The following EHMT1 variants were observed in gnomAD, a reference collection of about 807,000 sequenced individuals.
The protein encoded by EHMT1 is euchromatic histone lysine methyltransferase 1.
EHMT1 carries 15 observed loss-of-function variants against 147.2 expected under a neutral mutation model. The observed-to-expected ratio is 0.10, with a 90% CI of 0.07 to 0.16. EHMT1 has a LOEUF of 0.16. Among genes scored for constraint, EHMT1 ranks in the 10% least tolerant of loss-of-function variants. The pLI, the probability that EHMT1 is intolerant of heterozygous loss-of-function variation, is 1.00. For missense variants in EHMT1, 1,587 were observed against 1,772.4 expected (o/e 0.90, Z 1.88); for synonymous variants, 795 against 709.6 (o/e 1.12, Z -1.91).
At chr9:137,796,400 A>G (rs959240513) in intron 16 of EHMT1, among the ~76,000 whole-genome samples, 1 of 152,230 alleles carries the variant, frequency 6.6e-6, no homozygotes, top group Non-Finnish European at 1.5e-5. Flanking sequence ...TTAATATCCA[A>G]AAATATAAAG....
intron 1 of EHMT1, among the ~76,000 whole-genome samples, chr9:137,669,923 T>C (rs1564564184): frequency 6.6e-6 from 1 of 152,052 alleles, no homozygotes; most frequent in Non-Finnish European, 1.5e-5. Flanking sequence ...TAATCTCGGC[T>C]CTCTGCAACC....
At chr9:137,669,327 A>G (rs1346843770) in intron 1 of EHMT1, among the ~76,000 whole-genome samples, 1 of 88,404 alleles carries the variant, frequency 1.1e-5, no homozygotes, top group African/African-American at 5.1e-5. Context: ...AGACGCCCCC[A>G]CAGCACGTGG....
intron 1 of EHMT1, among the ~76,000 whole-genome samples, chr9:137,658,621 C>CT (rs1286258092): frequency 6.7e-5 from 10 of 149,354 alleles, no homozygotes; most frequent in South Asian, 4.3e-4. Flanking sequence ...ATGAATTTTT[C>CT]TTTTTTTTTG....
chr9:137,828,485 G>C lies in EHMT1; in HGVS notation c.3541-5864G>C, dbSNP rs911275333. Among the ~76,000 whole-genome samples, 2 of 151,860 alleles carry C rather than the reference G, an allele frequency of 1.3e-5. No homozygotes were observed. The highest frequency in any genetic ancestry group is 2.4e-5 in the African/African-American group (1 of 41,312). On this transcript the variant is annotated intron_variant, in intron 25 of 26. Coordinates refer to ENST00000460843, the MANE Select transcript of EHMT1 (RefSeq NM_024757.5). This position sits in a 1 kb window ranked among gnomAD's most constrained non-coding sequence, Gnocchi z 5.3. ...GAGGCCAAGCAGAGCACAGGGTCTC[G>C]AGACCCCATGACCTCTAGGGTCACG...
rs548698239 is a variant in EHMT1 at position 137,773,692 on chromosome 9, A to T, written c.1648-1417A>T. Among the ~76,000 whole-genome samples, 15 of 152,338 alleles carry T rather than the reference A, an allele frequency of 9.8e-5. No individual in the cohort carries two copies. The South Asian group carries it at 3.1e-3, about 32-fold the overall frequency. The stretch of plus-strand genomic sequence containing the variant: ...GTTGCTTGCTGTGAAGTTTGGACAG[A>T]ACTCACAGTGATGGTGTGTCATCTC... On this transcript the variant is annotated intron_variant, in intron 10 of 26. Coordinates refer to ENST00000460843, the MANE Select transcript of EHMT1 (RefSeq NM_024757.5).
At chr9:137,697,043 G>GCACC in intron 1 of EHMT1, 1 of 314,744 alleles carries the variant, frequency 3.2e-6, no homozygotes, top group East Asian at 1.3e-4. Flanking sequence ...CACTCTGGGA[G>GCACC]GCTGAGGCGG....
intron 1 of EHMT1, among the ~76,000 whole-genome samples, chr9:137,634,097 GC>G (rs1234968038): frequency 6.6e-6 from 1 of 152,206 alleles, no homozygotes; most frequent in African/African-American, 2.4e-5. Flanking sequence ...ATAGGCATGA[GC>G]CACTGTGCCC....
At chr9:137,747,895 G>T (rs1948680406) in intron 6 of EHMT1, 1 of 152,200 alleles carries the variant, frequency 6.6e-6, no homozygotes, top group African/African-American at 2.4e-5. Context: ...GGATGGTCGT[G>T]TTTGAAGTGC....
chr9:137,754,041 A>T, intron 7 of EHMT1, 130 bp from the exon 8 acceptor site: 1 of 1,479,678 alleles, frequency 6.8e-7, no homozygotes, highest in East Asian at 2.3e-5. Context: ...TCTACAAGTT[A>T]AGTTCACCGT....
At chr9:137,765,845 C>G (rs923486716) in intron 10 of EHMT1, among the ~76,000 whole-genome samples, 4 of 152,082 alleles carry the variant, frequency 2.6e-5, no homozygotes, top group Non-Finnish European at 5.9e-5. Context: ...TGTTCTCGGT[C>G]CCTTCTTTTT....
chr9:137,731,611 C>T lies in EHMT1; in HGVS notation c.823+3082C>T, dbSNP rs769358087. Among the ~76,000 whole-genome samples the T allele has an allele frequency of 6.6e-6, 1 of 152,164 alleles. No homozygotes were observed. Among genetic ancestry groups the T allele is most frequent in the Non-Finnish European group, 1.5e-5 (1 of 68,022 alleles). Reference sequence around the variant, plus strand: ...ACGTCCTATCCTGTTGTCACAGGATCCCTTGAGTGTCCCTTTGCTGGTCAT... The same window carrying T: ...ACGTCCTATCCTGTTGTCACAGGATTCCTTGAGTGTCCCTTTGCTGGTCAT... On this transcript the variant is annotated intron_variant, in intron 4 of 26. Transcript: ENST00000460843. This position sits in a 1 kb window ranked among gnomAD's most constrained non-coding sequence, Gnocchi z 4.3.
In EHMT1 at chr9:137,786,943, T is replaced by G. The variant is rs1020704298; in HGVS notation, c.2383-3905T>G. ...CACGGAGCCTCCTGGGTGTCCGAGC[T>G]GCCTCAAGCGCCCCGGGGTCTTTTC... On this transcript the variant is annotated intron_variant, in intron 15 of 26. Coordinates refer to ENST00000460843, the MANE Select transcript of EHMT1 (RefSeq NM_024757.5). This position sits in a 1 kb window ranked among gnomAD's most constrained non-coding sequence, Gnocchi z 4.3. 3 of 152,420 alleles carry G rather than the reference T, an allele frequency of 2.0e-5. No individual in the cohort carries two copies. The highest frequency in any genetic ancestry group is 6.5e-5 in the Admixed American group (1 of 15,284). The allele number at this position is 152,420 out of a possible 1,614,324, so 9.4% of individuals were successfully genotyped here.
intron 1 of EHMT1, among the ~76,000 whole-genome samples, chr9:137,633,370 G>A (rs2133657727): frequency 6.6e-6 from 1 of 151,236 alleles, no homozygotes; most frequent in Non-Finnish European, 1.5e-5. Context: ...AGAATTTTTG[G>A]GGGGATAACA....
chr9:137,717,758 G>A (rs1053082935), intron 3 of EHMT1, among the ~76,000 whole-genome samples: 3 of 152,178 alleles, frequency 2.0e-5, no homozygotes, highest in Non-Finnish European at 4.4e-5. Flanking sequence ...ATCCTTTCAA[G>A]GAGGCCACGG....
At chr9:137,655,485 G>C (rs1270743292) in intron 1 of EHMT1, among the ~76,000 whole-genome samples, 1 of 152,204 alleles carries the variant, frequency 6.6e-6, no homozygotes, top group African/African-American at 2.4e-5. Context: ...GCATATATTA[G>C]GTGTCACTCA....
intron 9 of EHMT1, 105 bp from the exon 10 acceptor site, chr9:137,762,570 A>G (rs1355620145): frequency 2.1e-5 from 33 of 1,577,630 alleles, no homozygotes; most frequent in Admixed American, 5.3e-5. Flanking sequence ...CATTGCTTTC[A>G]TTTCCTGGCG....
chr9:137,651,836 A>G (rs905485531), intron 1 of EHMT1, among the ~76,000 whole-genome samples: 2 of 152,106 alleles, frequency 1.3e-5, no homozygotes, highest in East Asian at 1.9e-4. Flanking sequence ...AAAAGTTCCT[A>G]TTGCCCAGGA....
At chr9:137,745,762 C>T (rs924935320) in intron 6 of EHMT1, 16 of 385,278 alleles carry the variant, frequency 4.2e-5, no homozygotes. Context: ...ATGCCGGAGG[C>T]TCATAAGTGC....
Position 137,786,351 on chromosome 9 carries a change from G to A in EHMT1, c.2382+3954G>A, listed in dbSNP as rs763557381. On this transcript the variant is annotated intron_variant, in intron 15 of 26. Coordinates refer to ENST00000460843, the MANE Select transcript of EHMT1 (RefSeq NM_024757.5). This position sits in a 1 kb window ranked among gnomAD's most constrained non-coding sequence, Gnocchi z 4.3. ...TTTTTCTTCCCCTTAGAATCTAAGCGGTTTTCCTGAGATTCTCCAGGAAGA... is the reference window on the plus strand; with the variant it reads ...TTTTTCTTCCCCTTAGAATCTAAGCAGTTTTCCTGAGATTCTCCAGGAAGA... 5 of 152,188 alleles carry A rather than the reference G, an allele frequency of 3.3e-5. No homozygotes were observed. Among genetic ancestry groups the A allele is most frequent in the Admixed American group, 6.5e-5 (1 of 15,282 alleles). 9.4% of individuals were successfully genotyped at this position (152,188 alleles called of 1,614,324 possible).
Sources: gnomAD v4.1 joint callset for allele counts (sites outside exome capture counted in the v4.1 genomes callset) on GRCh38, gnomAD v4.1.1 for gene constraint, Gnocchi (gnomAD v3.1) non-coding constraint, MANE v1.5 for transcripts, NCBI Gene and HGNC (gene_info 2026-07-23, HGNC 2026-07-21) for gene names.